Variants in P2RX5 observed in about 807,000 individuals in gnomAD.
P2RX5 encodes P2X purinoceptor 5.
In P2RX5, 46 loss-of-function variants were observed where a neutral mutation model predicts 54.1. The ratio of observed to expected loss-of-function variants is 0.85; its 90% confidence interval spans 0.67 to 1.09. The LOEUF (loss-of-function observed/expected upper bound fraction) is 1.09. Among genes scored for constraint, P2RX5 ranks in the 50% least tolerant of loss-of-function variants. The pLI is 0.00. For missense variants in P2RX5, 566 were observed against 549.8 expected, an observed-to-expected ratio of 1.03 and a Z score of -0.29; for synonymous variants, 226 against 226.4, an observed-to-expected ratio of 1.00 and a Z score of 0.02.
At chr17:3,694,552 C>T (rs2050705083) in intron 1 of P2RX5, among the ~76,000 whole-genome samples, 1 of 152,306 alleles carries the variant, frequency 6.6e-6, no homozygotes, top group South Asian at 2.1e-4. Flanking sequence ...ATATGTCCTG[C>T]TTTCCCTGCC....
chr17:3,679,889 C>T lies in P2RX5; in HGVS notation c.1065-105G>A, dbSNP rs886820606. 17 of 968,618 alleles carry T rather than the reference C, an allele frequency of 1.8e-5. No individual in the cohort carries two copies. In the African/African-American group the frequency reaches 2.4e-4, roughly 14 times the overall value. The allele number at this position is 968,618 out of a possible 1,614,324, so 60.0% of individuals were successfully genotyped here. A position where few individuals can be genotyped will look rare whatever the true frequency, so the allele number is the denominator to read the frequency against. ...GAATCCCTCGCCCTGCAGGCCGCCA[C>T]CCTGCTTCCTCCAGCCGGTGTCCTC... On this transcript the variant is annotated intron_variant, in intron 10 of 11. Transcript: ENST00000225328.
chr17:3,719,826 C>T, the P2RX5 span, among the ~76,000 whole-genome samples: 29 of 152,104 alleles, frequency 1.9e-4, no homozygotes, highest in African/African-American at 7.0e-4. Context: ...CTCCCAGATT[C>T]AAGCGATTCT....
chr17:3,715,835 C>T, the P2RX5 span, among the ~76,000 whole-genome samples: 2 of 151,994 alleles, frequency 1.3e-5, no homozygotes, highest in Non-Finnish European at 1.5e-5. Context: ...TGAGCTCCAG[C>T]TTGGGGGACA....
intron 11 of P2RX5, 93 bp downstream of exon 11, chr17:3,679,497 G>C (rs2050179744): frequency 8.8e-7 from 1 of 1,131,612 alleles, no homozygotes; most frequent in Non-Finnish European, 1.3e-6. Context: ...GAGCAGAGGG[G>C]TCCGCTGGAG....
chr17:3,703,726 T>A, the P2RX5 span, among the ~76,000 whole-genome samples: 33,446 of 151,286 alleles, frequency 0.22, 4,765 homozygotes, highest in South Asian at 0.5. Context: ...AAATAACACC[T>A]CCCCCTTAGC....
intron 11 of P2RX5, chr17:3,676,409 G>A: frequency 2.0e-6 from 2 of 984,368 alleles, no homozygotes; most frequent in East Asian, 1.1e-4. Context: ...TGCCTCTGGG[G>A]AACCGGGAGG....
At chr17:3,714,931 A>T in the P2RX5 span, 13 of 1,600,586 alleles carry the variant, frequency 8.1e-6, no homozygotes, top group Admixed American at 2.2e-4. Context: ...ATTTTCTTTT[A>T]AAAAAGCCAC....
At chr17:3,682,009 C>A (rs755403005) in intron 9 of P2RX5, 31 bp from the exon 10 acceptor site, 3 of 1,491,000 alleles carry the variant, frequency 2.0e-6, no homozygotes, top group South Asian at 1.1e-5. Flanking sequence ...ATTCAGAATC[C>A]TAGACCTCTG....
intron 10 of P2RX5, 92 bp from the exon 11 acceptor site, chr17:3,679,876 C>G (rs1347169305): frequency 1.8e-6 from 2 of 1,099,602 alleles, no homozygotes; most frequent in African/African-American, 3.1e-5. Context: ...ATCCCTCGCC[C>G]TGCAGGCCGC....
At position 3,691,793 on chromosome 17, in the gene P2RX5, A is replaced by G. The variant is rs202149612; in HGVS notation, c.139T>C (p.Trp47Arg). Residue 47 changes from tryptophan (W) to arginine (R), a missense_variant and splice_region_variant, in exon 2 of 12, where the codon TGG becomes CGG. Physicochemically the swap from Trp to Arg is moderately radical, Grantham distance 101. Coordinates refer to ENST00000225328, the MANE Select transcript of P2RX5 (RefSeq NM_002561.4). Reference sequence around the variant, plus strand: ...TAACCCTTCTTTATCAGGAACACCCATCTGTGGGAAGGGGGCCGGTACGTG... The same window carrying G: ...TAACCCTTCTTTATCAGGAACACCCGTCTGTGGGAAGGGGGCCGGTACGTG... ...QASILAYLVVWVFLIKKGYQD... is the reference protein window; with the variant it reads ...QASILAYLVVRVFLIKKGYQD... The G allele has an allele frequency of 1.5e-5, 25 of 1,614,130 alleles. No homozygotes were observed. Among genetic ancestry groups the G allele is most frequent in the South Asian group, 2.2e-5 (2 of 91,088 alleles).
intron 11 of P2RX5, chr17:3,678,146 G>A: frequency 6.1e-6 from 6 of 977,688 alleles, no homozygotes; most frequent in Non-Finnish European, 6.1e-6. Context: ...CCTGTGTGTG[G>A]GCGGGAGGGG....
At position 3,684,447 on chromosome 17, in the gene P2RX5, T is replaced by A. The variant is rs375393957; in HGVS notation, c.982-2469A>T. On this transcript the variant is annotated intron_variant, in intron 9 of 11. Coordinates refer to ENST00000225328, the MANE Select transcript of P2RX5 (RefSeq NM_002561.4). ...AGTGAGACCCCATTTCTACAAAAAA[T>A]TTAAAAATTAGCCACAGGTGGTGGT... Among the ~76,000 whole-genome samples, 31 of 152,186 alleles carry A rather than the reference T, an allele frequency of 2.0e-4. No individual in the cohort carries two copies. The East Asian group carries it at 3.1e-3, about 15-fold the overall frequency.
chr17:3,684,818 C>T (rs1306344515), intron 9 of P2RX5, among the ~76,000 whole-genome samples: 1 of 149,590 alleles, frequency 6.7e-6, no homozygotes, highest in Non-Finnish European at 1.5e-5. Flanking sequence ...AAACTGTCTG[C>T]AGCCTAATCC....
chr17:3,679,598 C>T lies in P2RX5; in HGVS notation c.1251G>A (p.Glu417=). The T allele has an allele frequency of 6.2e-7, 1 of 1,607,072 alleles. No homozygotes were observed. The highest frequency in any genetic ancestry group is 8.5e-7 in the Non-Finnish European group (1 of 1,179,794). Residue 417 remains glutamate, a synonymous_variant, in exon 11 of 12, where the codon GAG becomes GAA. Transcript: ENST00000225328. The part of the protein sequence containing the change: ...GNGSVCPQLL[E]PHRST ...CCTAGCAGTGGCCTCACCTGTGGGG[C>T]TCCAGGAGCTGTGGGCACACAGATC...
chr17:3,717,951 C>G, the P2RX5 span: 7 of 152,288 alleles, frequency 4.6e-5, no homozygotes, highest in African/African-American at 1.7e-4. Flanking sequence ...GGAAACAGGC[C>G]AGATGTGAGT....
chr17:3,699,934 G>GA (rs914683679), upstream of P2RX5, among the ~76,000 whole-genome samples: 2 of 103,310 alleles, frequency 1.9e-5, no homozygotes, highest in Admixed American at 9.0e-5. Flanking sequence ...AAGAAAGAAA[G>GA]AAAGAAAGAA....
the P2RX5 span, chr17:3,723,792 A>C: frequency 9.4e-6 from 15 of 1,598,798 alleles, no homozygotes; most frequent in African/African-American, 1.3e-5. Context: ...CCAAGCCGCC[A>C]GTTTTCCGTC....
the P2RX5 span, among the ~76,000 whole-genome samples, chr17:3,708,332 A>G: frequency 6.6e-6 from 1 of 152,168 alleles, no homozygotes; most frequent in South Asian, 2.1e-4. Flanking sequence ...CCAAAGGCTC[A>G]GAAGTTCAGA....
chr17:3,673,520 C>A lies in P2RX5; in HGVS notation c.*348G>T. 1 of 1,263,326 alleles carries A rather than the reference C, an allele frequency of 7.9e-7. No homozygotes were observed. Among genetic ancestry groups the A allele is most frequent in the Non-Finnish European group, 1.0e-6 (1 of 992,112 alleles). The allele number at this position is 1,263,326 out of a possible 1,614,324, so 78.3% of individuals were successfully genotyped here. A position where few individuals can be genotyped will look rare whatever the true frequency, so the allele number is the denominator to read the frequency against. The stretch of plus-strand genomic sequence containing the variant: ...TTCCCAGTGAGGTAATCTAGGAACT[C>A]TACAGGGCACTGCGGTCCTTAGCTG... On this transcript the variant is annotated 3_prime_UTR_variant, in exon 12 of 12. Transcript: ENST00000225328.
Sources: gnomAD v4.1 joint callset for allele counts (sites outside exome capture counted in the v4.1 genomes callset) on GRCh38, gnomAD v4.1.1 for gene constraint, MANE v1.5 for transcripts, NCBI Gene and HGNC (gene_info 2026-07-23, HGNC 2026-07-21) for gene names.